RBFOX3: variants seen among roughly 807,000 people sequenced by gnomAD.
RBFOX3 encodes RNA binding protein fox-1 homolog 3.
In RBFOX3, 17 loss-of-function variants were observed where a neutral mutation model predicts 48.7. The observed-to-expected ratio is 0.35, with a 90% confidence interval of 0.24 to 0.52. RBFOX3 has a LOEUF of 0.52. RBFOX3 is among the 20% of genes least tolerant of loss of function. RBFOX3 has a pLI of 0.94. For missense variants in RBFOX3, 382 were observed against 497.5 expected, an observed-to-expected ratio of 0.77 and a Z score of 2.21; for synonymous variants, 212 against 209.5, an observed-to-expected ratio of 1.01 and a Z score of -0.10.
chr17:79,613,477 G>A (rs1253876231), upstream of RBFOX3, among the ~76,000 whole-genome samples: 4 of 152,192 alleles, frequency 2.6e-5, no homozygotes, highest in African/African-American at 4.8e-5. Context: ...ATTTGGGGAC[G>A]TCATCTAAGA....
chr17:79,584,550 ATGTGTG>A (rs1183852264), intron 1 of RBFOX3, among the ~76,000 whole-genome samples: 1 of 150,052 alleles, frequency 6.7e-6, no homozygotes, highest in African/African-American at 2.4e-5. Flanking sequence ...ATGTGTGTGT[ATGTGTG>A]TGTGTGTGTG....
At chr17:79,581,105 G>A (rs946817570) in intron 1 of RBFOX3, among the ~76,000 whole-genome samples, 2,004 of 152,194 alleles carry the variant, frequency 0.013, 47 homozygotes, top group African/African-American at 0.046. Context: ...AAAATTAGCC[G>A]GGCATGGTGG....
Position 79,533,410 on chromosome 17 carries a change from G to A in RBFOX3, c.-319-50812C>T, listed in dbSNP as rs557774907. 8.3e-4 allele frequency among the ~76,000 whole-genome samples: 127 copies of A among 152,310 alleles called. 1 individual carries two copies. The highest frequency in any genetic ancestry group is 2.9e-3 in the African/African-American group (119 of 41,568). ...AGGGTGGCGATAAACCCACCCCTCC[G>A]TGCTCAACATAAAAGCCACAGCTCC... On this transcript the variant is annotated intron_variant, in intron 1 of 14. Transcript: ENST00000693108.
rs1427804831 is a variant in RBFOX3, at chr17:79,547,719, G to A, written c.-320+63107C>T. Among the ~76,000 whole-genome samples, 5 of 152,226 alleles carry A rather than the reference G, an allele frequency of 3.3e-5. No individual in the cohort carries two copies. In the East Asian group the frequency reaches 9.6e-4, roughly 29 times the overall value. On this transcript the variant is annotated intron_variant, in intron 1 of 14. Coordinates refer to ENST00000693108, the MANE Select transcript of RBFOX3 (RefSeq NM_001350451.2). ...CAGGGGCTGCCGTCCAGCACCTGCG[G>A]AGACCAGTGGAGCAGGCTGGGGGAG...
chr17:79,284,671 C>T (rs945956376), intron 3 of RBFOX3, among the ~76,000 whole-genome samples: 1 of 152,078 alleles, frequency 6.6e-6, no homozygotes, highest in African/African-American at 2.4e-5. Flanking sequence ...TCCTGAGTAG[C>T]TGGGATTACA....
At chr17:79,619,884 G>C in the RBFOX3 span, among the ~76,000 whole-genome samples, 26 of 152,314 alleles carry the variant, frequency 1.7e-4, no homozygotes, top group Non-Finnish European at 3.2e-4. Context: ...CCGTCGTCCA[G>C]GTTGGAGTTC....
At chr17:79,373,733 T>A (rs1424490056) in intron 2 of RBFOX3, among the ~76,000 whole-genome samples, 2 of 152,068 alleles carry the variant, frequency 1.3e-5, no homozygotes, top group Non-Finnish European at 2.9e-5. Flanking sequence ...GAGCCGGGCC[T>A]ACCACCTGCC....
At chr17:79,449,622 AACACACAC>A (rs57480439) in intron 2 of RBFOX3, among the ~76,000 whole-genome samples, 2 of 144,602 alleles carry the variant, frequency 1.4e-5, no homozygotes, top group African/African-American at 2.6e-5. Context: ...TGCACACATA[AACACACAC>A]ACACACACAC....
the RBFOX3 span, among the ~76,000 whole-genome samples, chr17:79,649,240 A>G: frequency 2.0e-5 from 3 of 152,168 alleles, no homozygotes; most frequent in African/African-American, 7.2e-5. Flanking sequence ...TTGGCTTCCC[A>G]AAGTGCTGGG....
chr17:79,413,967 G>A (rs972030299), intron 2 of RBFOX3, among the ~76,000 whole-genome samples: 7 of 152,166 alleles, frequency 4.6e-5, no homozygotes, highest in African/African-American at 1.7e-4. Context: ...GCATGTAGGG[G>A]GCTGTGAAGC....
At chr17:79,617,440 G>GCT in the RBFOX3 span, among the ~76,000 whole-genome samples, 1 of 152,088 alleles carries the variant, frequency 6.6e-6, no homozygotes, top group East Asian at 1.9e-4. Flanking sequence ...CAGGGAAATG[G>GCT]CTCTCTCGGG....
chr17:79,625,579 G>A, the RBFOX3 span, among the ~76,000 whole-genome samples: 7 of 152,156 alleles, frequency 4.6e-5, no homozygotes, highest in Admixed American at 1.3e-4. Flanking sequence ...ATCACCTGAG[G>A]TCAGGAATTC....
At chr17:79,329,769 G>T (rs2079934008) in intron 2 of RBFOX3, among the ~76,000 whole-genome samples, 1 of 152,158 alleles carries the variant, frequency 6.6e-6, no homozygotes, top group Non-Finnish European at 1.5e-5. Flanking sequence ...TCTCCCAGGA[G>T]ATCTCCATCT....
At chr17:79,209,955 C>A (rs930376785) in intron 4 of RBFOX3, among the ~76,000 whole-genome samples, 3 of 150,624 alleles carry the variant, frequency 2.0e-5, no homozygotes, top group African/African-American at 7.3e-5. Flanking sequence ...CGAGATCACG[C>A]CACTGCACTC....
intron 2 of RBFOX3, among the ~76,000 whole-genome samples, chr17:79,436,921 G>A (rs1220332894): frequency 1.3e-5 from 2 of 152,162 alleles, no homozygotes; most frequent in Non-Finnish European, 2.9e-5. Flanking sequence ...GACCTCTCCG[G>A]GGAGCTGGGG....
intron 2 of RBFOX3, among the ~76,000 whole-genome samples, chr17:79,425,637 C>T (rs2067219688): frequency 6.6e-6 from 1 of 152,226 alleles, no homozygotes; most frequent in Non-Finnish European, 1.5e-5. Context: ...TTGGGATCAA[C>T]CTTGGGGCGG....
At chr17:79,651,051 A>G in the RBFOX3 span, among the ~76,000 whole-genome samples, 1 of 152,186 alleles carries the variant, frequency 6.6e-6, no homozygotes, top group Non-Finnish European at 1.5e-5. Context: ...TGTGTTCTGC[A>G]CTGTTCCTCA....
At chr17:79,500,613 C>G (rs963179257) in intron 1 of RBFOX3, among the ~76,000 whole-genome samples, 12 of 152,304 alleles carry the variant, frequency 7.9e-5, no homozygotes, top group African/African-American at 2.6e-4. Context: ...TAATAGCTAA[C>G]TGGTATACCT....
At chr17:79,557,522 C>A (rs1024915415) in intron 1 of RBFOX3, among the ~76,000 whole-genome samples, 2 of 152,174 alleles carry the variant, frequency 1.3e-5, no homozygotes, top group Non-Finnish European at 2.9e-5. Context: ...CGTGGGAGCC[C>A]GGCGGTGGTG....
Sources: gnomAD v4.1 joint callset for allele counts (sites outside exome capture counted in the v4.1 genomes callset) on GRCh38, gnomAD v4.1.1 for gene constraint, MANE v1.5 for transcripts, NCBI Gene and HGNC (gene_info 2026-07-23, HGNC 2026-07-21) for gene names.